SBF2: variants seen among roughly 807,000 people sequenced by gnomAD.
SBF2 encodes SET binding factor 2.
A neutral mutation model predicts 225.2 loss-of-function variants in SBF2; 112 were observed. That is an observed-to-expected ratio of 0.50 (90% CI 0.43 to 0.58). The LOEUF (loss-of-function observed/expected upper bound fraction) is 0.58. SBF2 is among the 20% of genes least tolerant of loss of function. The pLI, the probability that SBF2 is intolerant of heterozygous loss-of-function variation, is 0.00. For missense variants in SBF2, 1,996 were observed against 2,206.2 expected (o/e 0.90, Z 1.91); for synonymous variants, 763 against 773.3 (o/e 0.99, Z 0.22).
chr11:9,879,124 T>C (rs2134076280), intron 17 of SBF2, among the ~76,000 whole-genome samples: 1 of 152,304 alleles, frequency 6.6e-6, no homozygotes, highest in East Asian at 1.9e-4. Context: ...CCATAATAAT[T>C]TCTTCTGTAA....
chr11:10,118,081 G>A (rs1214099332), intron 2 of SBF2, among the ~76,000 whole-genome samples: 1 of 152,122 alleles, frequency 6.6e-6, no homozygotes, highest in African/African-American at 2.4e-5. Context: ...GCCTCCTTCA[G>A]TTCCTGCCTT....
intron 1 of SBF2, among the ~76,000 whole-genome samples, chr11:10,236,754 G>A (rs1433954592): frequency 2.6e-5 from 4 of 152,080 alleles, no homozygotes; most frequent in South Asian, 2.1e-4. Context: ...GAGTCACCAC[G>A]CCCAGACTCG....
chr11:10,205,661 GC>G (rs1398854368), intron 1 of SBF2, among the ~76,000 whole-genome samples: 1 of 152,010 alleles, frequency 6.6e-6, no homozygotes, highest in African/African-American at 2.4e-5. Context: ...GGGATAGACA[GC>G]CACAGTGATA....
intron 1 of SBF2, among the ~76,000 whole-genome samples, chr11:10,270,466 T>A (rs1219533400): frequency 6.6e-6 from 1 of 152,186 alleles, no homozygotes; most frequent in African/African-American, 2.4e-5. Context: ...AAGGTCTTCA[T>A]CCTTATTGTC....
At chr11:9,859,279 C>T (rs886211134) in intron 17 of SBF2, among the ~76,000 whole-genome samples, 1 of 152,136 alleles carries the variant, frequency 6.6e-6, no homozygotes, top group Non-Finnish European at 1.5e-5. Flanking sequence ...CTTCTGTTTT[C>T]CCCTCACTTT....
intron 16 of SBF2, chr11:9,959,385 T>C (rs909978167): frequency 1.8e-5 from 15 of 811,574 alleles, no homozygotes; most frequent in Middle Eastern, 3.4e-4. Context: ...TGCCCGTCTG[T>C]CCCCATGAGA....
rs753512628 is a variant in SBF2, at chr11:10,204,656, TC to T, written c.56-10670del. ...CTGGGTGACAGAGCAACACTCCATC[TC>T]AAAAAAAAAAAAAGGAATGGAGTAC... is the stretch of plus-strand genomic sequence containing the variant. On this transcript the variant is annotated intron_variant, in intron 1 of 39. Transcript: ENST00000256190. 9.4e-3 allele frequency among the ~76,000 whole-genome samples: 972 copies of T among 103,446 alleles called. 7 individuals are homozygous for T. The highest frequency in any genetic ancestry group is 0.015 in the Non-Finnish European group (659 of 45,310). 67.9% of individuals were successfully genotyped at this position (103,446 alleles called of 152,430 possible). A position where few individuals can be genotyped will look rare whatever the true frequency, so the allele number is the denominator to read the frequency against.
chr11:9,813,759 C>T (rs967562058), intron 29 of SBF2, among the ~76,000 whole-genome samples: 3 of 151,984 alleles, frequency 2.0e-5, no homozygotes, highest in African/African-American at 4.8e-5. Context: ...CTGGCCAACA[C>T]GGTGAAATCC....
At chr11:10,293,929 G>A (rs1964342225) in intron 1 of SBF2, 86 bp downstream of exon 1, 6 of 1,038,412 alleles carry the variant, frequency 5.8e-6, no homozygotes, top group African/African-American at 1.7e-5. Flanking sequence ...CCCGACGCCC[G>A]TCCCCGACGC....
Position 10,239,064 on chromosome 11 carries a change from T to G in SBF2, c.56-45077A>C, listed in dbSNP as rs756426857. Reference sequence around the variant, plus strand: ...TATACATATATACACACATATATGTTTATGTGTATATACATGTATAATATA... The same window carrying G: ...TATACATATATACACACATATATGTGTATGTGTATATACATGTATAATATA... On this transcript the variant is annotated intron_variant, in intron 1 of 39. Transcript: ENST00000256190. 2.9e-4 allele frequency among the ~76,000 whole-genome samples: 44 copies of G among 150,854 alleles called. 4 individuals are homozygous for G. The highest frequency in any genetic ancestry group is 5.0e-4 in the Non-Finnish European group (34 of 67,458).
chr11:10,162,013 G>A (rs1314456877), intron 2 of SBF2, among the ~76,000 whole-genome samples: 1 of 152,058 alleles, frequency 6.6e-6, no homozygotes, highest in African/African-American at 2.4e-5. Flanking sequence ...ATAGTAGGAA[G>A]ACTCGGTTGC....
intron 1 of SBF2, among the ~76,000 whole-genome samples, chr11:10,251,324 CAAT>C (rs1176236340): frequency 6.6e-6 from 1 of 152,004 alleles, no homozygotes; most frequent in South Asian, 2.1e-4. Flanking sequence ...ATAAAAGAGG[CAAT>C]AATAAAAAAT....
intron 1 of SBF2, among the ~76,000 whole-genome samples, chr11:10,232,768 G>C (rs1000718200): frequency 6.6e-6 from 1 of 151,870 alleles, no homozygotes; most frequent in Non-Finnish European, 1.5e-5. Context: ...TCTATGACAA[G>C]AGAAAAGATG....
chr11:9,882,667 C>T (rs1011895259), intron 17 of SBF2, among the ~76,000 whole-genome samples: 6 of 151,802 alleles, frequency 4.0e-5, no homozygotes, highest in African/African-American at 9.7e-5. Context: ...ATTAGCTGGG[C>T]GCGGTGGCAG....
At chr11:10,225,708 T>A (rs1208465789) in intron 1 of SBF2, among the ~76,000 whole-genome samples, 2 of 152,144 alleles carry the variant, frequency 1.3e-5, no homozygotes, top group Admixed American at 6.5e-5. Context: ...AAAATAACAT[T>A]TTGTGCAGTT....
intron 1 of SBF2, among the ~76,000 whole-genome samples, chr11:10,195,379 T>G (rs1957318030): frequency 6.6e-6 from 1 of 152,166 alleles, no homozygotes; most frequent in Non-Finnish European, 1.5e-5. Flanking sequence ...GGGATGTAAT[T>G]TGTGAGTAAA....
chr11:9,828,490 A>G (rs1408934382), intron 28 of SBF2: 1 of 985,352 alleles, frequency 1.0e-6, no homozygotes. Context: ...TTATTTTACA[A>G]GAAAAGCCAC....
At chr11:10,191,701 A>C (rs1207011170) in intron 2 of SBF2, among the ~76,000 whole-genome samples, 1 of 152,214 alleles carries the variant, frequency 6.6e-6, no homozygotes, top group Non-Finnish European at 1.5e-5. Flanking sequence ...TTCTAACAGC[A>C]CATGACTCCA....
chr11:9,857,166 A>C (rs1419208330), intron 18 of SBF2, among the ~76,000 whole-genome samples: 1 of 152,168 alleles, frequency 6.6e-6, no homozygotes, highest in Non-Finnish European at 1.5e-5. Flanking sequence ...CATAACAACC[A>C]CAAAACAAAA....
Sources: gnomAD v4.1 joint callset for allele counts (sites outside exome capture counted in the v4.1 genomes callset) on GRCh38, gnomAD v4.1.1 for gene constraint, MANE v1.5 for transcripts, NCBI Gene and HGNC (gene_info 2026-07-23, HGNC 2026-07-21) for gene names.